The following SGCD variants were observed in gnomAD, a reference collection of about 807,000 sequenced individuals.
SGCD encodes the protein sarcoglycan delta.
In SGCD, 18 loss-of-function variants were observed where a neutral mutation model predicts 36.6. That is an observed-to-expected ratio of 0.49 (90% CI 0.34 to 0.73). The LOEUF is 0.73. Among genes scored for constraint, SGCD ranks in the 30% least tolerant of loss-of-function variants. The pLI, the probability that SGCD is intolerant of heterozygous loss-of-function variation, is 0.01. For missense variants in SGCD, 387 were observed against 346.7 expected, an observed-to-expected ratio of 1.12 and a Z score of -0.92; for synonymous variants, 133 against 130.6, an observed-to-expected ratio of 1.02 and a Z score of -0.12.
chr5:156,051,703 A>G (rs1444606012), intron 1 of SGCD, among the ~76,000 whole-genome samples: 1 of 146,006 alleles, frequency 6.8e-6, no homozygotes, highest in Non-Finnish European at 1.5e-5. Flanking sequence ...TAAACAAACA[A>G]ATATATAAAT....
At chr5:155,827,424 A>T in the SGCD span, among the ~76,000 whole-genome samples, 1 of 152,112 alleles carries the variant, frequency 6.6e-6, no homozygotes, top group African/African-American at 2.4e-5. Context: ...GAGTAGCCTC[A>T]TGTTCCAGTG....
chr5:156,028,692 A>G (rs1759276085), intron 1 of SGCD, among the ~76,000 whole-genome samples: 1 of 152,182 alleles, frequency 6.6e-6, no homozygotes, highest in Admixed American at 6.5e-5. Context: ...ATCCTAGATG[A>G]GCCATTAAAA....
At chr5:156,653,493 C>CTCTTTTTTTTTTTTTTT (rs1763544872) in intron 7 of SGCD, among the ~76,000 whole-genome samples, 1 of 48,082 alleles carries the variant, frequency 2.1e-5, no homozygotes, top group Admixed American at 3.7e-4. Context: ...CTAAAGCTTG[C>CTCTTTTTTTTTTTTTTT]TTTTTTTTTT....
intron 7 of SGCD, among the ~76,000 whole-genome samples, chr5:156,727,689 G>A (rs113473126): frequency 0.029 from 4,337 of 152,034 alleles, 195 homozygotes; most frequent in African/African-American, 0.1. Flanking sequence ...GTCTATCTTG[G>A]TTTCTTCATA....
intron 1 of SGCD, among the ~76,000 whole-genome samples, chr5:155,949,159 G>T (rs896628685): frequency 2.6e-5 from 4 of 152,182 alleles, no homozygotes. Flanking sequence ...TAAGCTAAAT[G>T]GGGGGCACAT....
chr5:155,812,382 T>A, the SGCD span, among the ~76,000 whole-genome samples: 5 of 152,240 alleles, frequency 3.3e-5, no homozygotes, highest in African/African-American at 4.8e-5. Context: ...CATCACGCGC[T>A]GTTGGCTCGT....
At chr5:156,465,764 C>CA (rs1754695189) in intron 3 of SGCD, among the ~76,000 whole-genome samples, 1 of 152,164 alleles carries the variant, frequency 6.6e-6, no homozygotes, top group African/African-American at 2.4e-5. Context: ...TATCTAAAAA[C>CA]AAACCAGTCA....
intron 3 of SGCD, among the ~76,000 whole-genome samples, chr5:156,351,696 T>C (rs1024898537): frequency 2.0e-5 from 3 of 152,044 alleles, no homozygotes; most frequent in Non-Finnish European, 2.9e-5. Flanking sequence ...CAGTTACAGT[T>C]TGCAAATATT....
At chr5:156,437,775 A>G (rs1753305987) in intron 3 of SGCD, among the ~76,000 whole-genome samples, 1 of 152,168 alleles carries the variant, frequency 6.6e-6, no homozygotes, top group Non-Finnish European at 1.5e-5. Context: ...GGAGATAGCT[A>G]GTGTCACTCT....
intron 3 of SGCD, among the ~76,000 whole-genome samples, chr5:156,212,455 G>T (rs1028061613): frequency 1.3e-5 from 2 of 152,130 alleles, no homozygotes; most frequent in Admixed American, 1.3e-4. Context: ...TATAATAATT[G>T]TAAATATATG....
intron 3 of SGCD, among the ~76,000 whole-genome samples, chr5:156,456,277 G>T (rs1279444802): frequency 1.3e-5 from 2 of 152,130 alleles, no homozygotes; most frequent in Non-Finnish European, 2.9e-5. Context: ...GGCGATTCTG[G>T]TGAGGGCTCA....
chr5:155,870,327 T>C (rs1755606467), upstream of SGCD: 2 of 152,212 alleles, frequency 1.3e-5, no homozygotes, highest in African/African-American at 4.8e-5. Flanking sequence ...TTAAGTACTA[T>C]GTGTGTTTGT....
At chr5:155,813,458 A>C in the SGCD span, among the ~76,000 whole-genome samples, 1 of 152,200 alleles carries the variant, frequency 6.6e-6, no homozygotes, top group South Asian at 2.1e-4. Flanking sequence ...GCTAGAGAAT[A>C]AAAACAAAAT....
At chr5:156,108,914 T>TA (rs1278643382) in intron 1 of SGCD, among the ~76,000 whole-genome samples, 3 of 152,186 alleles carry the variant, frequency 2.0e-5, no homozygotes, top group Non-Finnish European at 2.9e-5. Context: ...AGGGAGAGTT[T>TA]AAAAAATGGA....
chr5:156,724,970 C>T (rs1755699760), intron 7 of SGCD, among the ~76,000 whole-genome samples: 2 of 152,202 alleles, frequency 1.3e-5, no homozygotes, highest in South Asian at 2.1e-4. Flanking sequence ...CCAGCATGCT[C>T]ATTTTTCTGA....
chr5:156,047,763 C>T (rs1420258261), intron 1 of SGCD, among the ~76,000 whole-genome samples: 1 of 152,022 alleles, frequency 6.6e-6, no homozygotes, highest in Non-Finnish European at 1.5e-5. Flanking sequence ...TCTGATACAA[C>T]CTTCATTCTC....
intron 1 of SGCD, among the ~76,000 whole-genome samples, chr5:155,955,887 A>G (rs1040206041): frequency 2.0e-5 from 3 of 152,116 alleles, no homozygotes; most frequent in African/African-American, 7.2e-5. Flanking sequence ...CATAGTCCCT[A>G]CCCTCAAACA....
At position 156,487,813 on chromosome 5, in the gene SGCD, A is replaced by AAAAAAAAAAAAAAAAAAAAG. The variant is rs1554107842; in HGVS notation, c.193-20785_193-20784insAAAAAAAAAAAAAAAAGAAA. 4.6e-4 allele frequency among the ~76,000 whole-genome samples: 36 copies of AAAAAAAAAAAAAAAAAAAAG among 77,804 alleles called. 1 individual carries two copies. The highest frequency in any genetic ancestry group is 8.7e-4 in the East Asian group (2 of 2,286). The allele number at this position is 77,804 out of a possible 152,430, so 51.0% of individuals were successfully genotyped here. On this transcript the variant is annotated intron_variant, in intron 3 of 8. Coordinates refer to ENST00000337851, the MANE Select transcript of SGCD (RefSeq NM_000337.6). ...CAAAAAAAAAAAAAAAAAAAAAAAA[A>AAAAAAAAAAAAAAAAAAAAG]AAAGAAAGAAAGAAAAAGCTTAACA...
chr5:156,108,726 T>A (rs1283117312), intron 1 of SGCD, among the ~76,000 whole-genome samples: 1 of 151,976 alleles, frequency 6.6e-6, no homozygotes, highest in Non-Finnish European at 1.5e-5. Flanking sequence ...TTTGGTGGAG[T>A]TGTAGGTCTA....
Sources: allele counts gnomAD v4.1 joint callset (sites outside exome capture counted in the v4.1 genomes callset), GRCh38; gene constraint gnomAD v4.1.1; transcripts MANE v1.5; gene names NCBI Gene and HGNC (gene_info 2026-07-23, HGNC 2026-07-21).